The following ATXN1 variants were observed in gnomAD, a reference collection of about 807,000 sequenced individuals.
ATXN1 encodes ataxin-1.
A neutral mutation model predicts 56.4 loss-of-function variants in ATXN1; 8 were observed. That is an observed-to-expected ratio of 0.14 (90% CI 0.08 to 0.26). The LOEUF (loss-of-function observed/expected upper bound fraction) is 0.26. Among genes scored for constraint, ATXN1 ranks in the 10% least tolerant of loss-of-function variants. ATXN1 has a pLI of 1.00. For synonymous variants in ATXN1, 514 were observed against 494.6 expected, an observed-to-expected ratio of 1.04 and a Z score of -0.52; for missense variants, 987 against 1,106.5, an observed-to-expected ratio of 0.89 and a Z score of 1.53.
At chr6:16,707,046 A>G (rs538670193) in intron 2 of ATXN1, among the ~76,000 whole-genome samples, 1 of 152,320 alleles carries the variant, frequency 6.6e-6, no homozygotes, top group South Asian at 2.1e-4. Flanking sequence ...AAGAAATGAA[A>G]TAATTACATT....
chr6:16,334,559 TAAA>T (rs1248820362), intron 6 of ATXN1, among the ~76,000 whole-genome samples: 1 of 151,366 alleles, frequency 6.6e-6, no homozygotes, highest in Non-Finnish European at 1.5e-5. Flanking sequence ...CTACAAAAAA[TAAA>T]AAAAATTAGC....
At position 16,563,943 on chromosome 6, in the gene ATXN1, G is replaced by A. The variant is rs78168954; in HGVS notation, c.-361+21837C>T. On this transcript the variant is annotated intron_variant, in intron 4 of 7. Coordinates refer to ENST00000436367, the MANE Select transcript of ATXN1 (RefSeq NM_001128164.2). ...TAGGATACAATTGGGAGAAGCTCAC[G>A]AATAGAAAGAGAATTCTCTAAGATT... Among the ~76,000 whole-genome samples, 40 of 152,264 alleles carry A rather than the reference G, an allele frequency of 2.6e-4. No individual in the cohort carries two copies. In the East Asian group the frequency reaches 7.0e-3, roughly 26 times the overall value.
chr6:16,543,004 G>C (rs1191122053), intron 4 of ATXN1, among the ~76,000 whole-genome samples: 1 of 150,638 alleles, frequency 6.6e-6, no homozygotes, highest in East Asian at 2.0e-4. Flanking sequence ...TGACACCGAA[G>C]ATGGGGGGTG....
intron 2 of ATXN1, among the ~76,000 whole-genome samples, chr6:16,676,639 G>C (rs1581355574): frequency 6.6e-6 from 1 of 152,184 alleles, no homozygotes; most frequent in African/African-American, 2.4e-5. Context: ...AGCAGTCTGA[G>C]TGGTGGAATG....
chr6:16,680,770 T>C (rs911518078), intron 2 of ATXN1, among the ~76,000 whole-genome samples: 3 of 152,212 alleles, frequency 2.0e-5, no homozygotes, highest in African/African-American at 7.2e-5. Flanking sequence ...ATACGGGACA[T>C]GGAACATGCC....
chr6:16,469,971 A>C (rs1185304169), intron 6 of ATXN1, among the ~76,000 whole-genome samples: 1 of 152,148 alleles, frequency 6.6e-6, no homozygotes, highest in Non-Finnish European at 1.5e-5. Flanking sequence ...AAAAAAAAAA[A>C]AAAGAAAAAG....
intron 2 of ATXN1, among the ~76,000 whole-genome samples, chr6:16,715,057 GC>G (rs1190137500): frequency 1.3e-5 from 2 of 151,716 alleles, no homozygotes; most frequent in Non-Finnish European, 2.9e-5. Context: ...CCTATCCCCT[GC>G]CCACCCTGGC....
At chr6:16,507,908 G>T (rs1394108993) in intron 5 of ATXN1, among the ~76,000 whole-genome samples, 1 of 152,186 alleles carries the variant, frequency 6.6e-6, no homozygotes, top group African/African-American at 2.4e-5. Context: ...AAGCAACACA[G>T]TAAGTGGTTA....
chr6:16,529,834 C>T (rs1456000027), intron 4 of ATXN1, among the ~76,000 whole-genome samples: 1 of 152,100 alleles, frequency 6.6e-6, no homozygotes, highest in Non-Finnish European at 1.5e-5. Context: ...AAATTTTTGT[C>T]GTACTCATCT....
intron 3 of ATXN1, among the ~76,000 whole-genome samples, chr6:16,607,810 A>T (rs1561776674): frequency 6.6e-6 from 1 of 152,198 alleles, no homozygotes; most frequent in Non-Finnish European, 1.5e-5. Context: ...GGTCAACCAC[A>T]GGTCTGCAGG....
intron 4 of ATXN1, among the ~76,000 whole-genome samples, chr6:16,576,738 G>GT (rs1468195263): frequency 6.6e-6 from 1 of 152,140 alleles, no homozygotes; most frequent in East Asian, 1.9e-4. Flanking sequence ...CTGCCCAAAT[G>GT]TACACATATT....
chr6:16,550,142 A>C (rs1761892486), intron 4 of ATXN1, among the ~76,000 whole-genome samples: 1 of 142,098 alleles, frequency 7.0e-6, no homozygotes, highest in South Asian at 2.5e-4. Context: ...AAGTAAAATA[A>C]ATAAATAAAA....
chr6:16,530,624 A>G (rs187154101), intron 4 of ATXN1, among the ~76,000 whole-genome samples: 1 of 152,334 alleles, frequency 6.6e-6, no homozygotes, highest in Non-Finnish European at 1.5e-5. Flanking sequence ...GGGAGGACAA[A>G]GAAGATCGGG....
intron 3 of ATXN1, among the ~76,000 whole-genome samples, chr6:16,654,594 A>C (rs1189593348): frequency 2.0e-5 from 3 of 151,184 alleles, no homozygotes; most frequent in Admixed American, 2.0e-4. Context: ...CAGTCAGTGA[A>C]GTCCTGAGGA....
intron 6 of ATXN1, among the ~76,000 whole-genome samples, chr6:16,430,770 C>T (rs1205012150): frequency 6.6e-6 from 1 of 151,950 alleles, no homozygotes; most frequent in African/African-American, 2.4e-5. Context: ...AGATTCCCCA[C>T]CCAATCTTGC....
chr6:16,690,833 C>T (rs771054656), intron 2 of ATXN1, among the ~76,000 whole-genome samples: 88 of 152,132 alleles, frequency 5.8e-4, no homozygotes, highest in Non-Finnish European at 1.1e-3. Flanking sequence ...GGGGCAGAAT[C>T]TCCCCTCCAA....
intron 2 of ATXN1, among the ~76,000 whole-genome samples, chr6:16,665,864 T>C (rs980280131): frequency 6.6e-6 from 1 of 152,204 alleles, no homozygotes; most frequent in African/African-American, 2.4e-5. Context: ...TTTATTTTTA[T>C]GGGTACATGA....
chr6:16,488,188 C>A (rs1760588726), intron 5 of ATXN1, among the ~76,000 whole-genome samples: 1 of 152,190 alleles, frequency 6.6e-6, no homozygotes, highest in Admixed American at 6.5e-5. Context: ...CTCTCTAATG[C>A]ACCCCAAGTC....
At chr6:16,646,440 C>T (rs1416492180) in intron 3 of ATXN1, among the ~76,000 whole-genome samples, 1 of 152,214 alleles carries the variant, frequency 6.6e-6, no homozygotes, top group Non-Finnish European at 1.5e-5. Context: ...AAAGCCCCAA[C>T]CACAGAATCT....
Sources: allele counts gnomAD v4.1 joint callset (sites outside exome capture counted in the v4.1 genomes callset), GRCh38; gene constraint gnomAD v4.1.1; transcripts MANE v1.5; gene names NCBI Gene and HGNC (gene_info 2026-07-23, HGNC 2026-07-21).